GLYR1: variants seen among roughly 807,000 people sequenced by gnomAD.
The protein encoded by GLYR1 is cytokine-like nuclear factor N-PAC.
A neutral mutation model predicts 72.7 loss-of-function variants in GLYR1; 21 were observed. The observed-to-expected ratio is 0.29, with a 90% CI of 0.20 to 0.42. The LOEUF is 0.42. GLYR1 is among the 10% of genes least tolerant of loss of function. GLYR1 has a pLI of 1.00. For synonymous variants in GLYR1, 392 were observed against 270.2 expected, an observed-to-expected ratio of 1.45 and a Z score of -4.42; for missense variants, 594 against 712.1, an observed-to-expected ratio of 0.83 and a Z score of 1.89.
chr16:4,842,731 G>A (rs1455898398), intron 3 of GLYR1, among the ~76,000 whole-genome samples: 3 of 151,820 alleles, frequency 2.0e-5, no homozygotes, highest in South Asian at 4.1e-4. Context: ...ACAGAGTCTC[G>A]CTCTGTCACC....
chr16:4,825,655 T>C (rs2084333952), intron 5 of GLYR1, among the ~76,000 whole-genome samples: 1 of 117,096 alleles, frequency 8.5e-6, no homozygotes, highest in Non-Finnish European at 1.8e-5. Context: ...ATTATCATCT[T>C]CTTTTTTTTT....
rs140655556 is a variant in GLYR1 at position 4,826,069 on chromosome 16, A to C, written c.538-2162T>G. ...AGACACAACTTATTTATTTATTTGG[A>C]GGCATAGTCTAGCTGTCACCCAGGC... On this transcript the variant is annotated intron_variant, in intron 5 of 15. Coordinates refer to ENST00000321919, the MANE Select transcript of GLYR1 (RefSeq NM_032569.4). Among the ~76,000 whole-genome samples, 487 of 152,066 alleles carry C rather than the reference A, an allele frequency of 3.2e-3. 3 individuals carry two copies. Among genetic ancestry groups the C allele is most frequent in the African/African-American group, 0.01 (429 of 41,452 alleles).
intron 12 of GLYR1, among the ~76,000 whole-genome samples, 194 bp downstream of exon 12, chr16:4,813,543 G>A (rs576002436): frequency 2.8e-4 from 42 of 152,270 alleles, no homozygotes; most frequent in Admixed American, 7.2e-4. Flanking sequence ...GCCATGCAGC[G>A]ACTGCCCATG....
At chr16:4,821,733 T>C in intron 7 of GLYR1, 136 bp from the exon 8 acceptor site, 1 of 760,518 alleles carries the variant, frequency 1.3e-6, no homozygotes, top group South Asian at 1.5e-5. Flanking sequence ...GAACTCCAAA[T>C]TTTACACTAG....
Position 4,832,882 on chromosome 16 carries a change from T to A in GLYR1, c.186A>T (p.Pro62=). The A allele has an allele frequency of 6.2e-7, 1 of 1,613,156 alleles. No individual in the cohort carries two copies. The highest frequency in any genetic ancestry group is 8.5e-7 in the Non-Finnish European group (1 of 1,179,632). Residue 62 remains proline (P), a synonymous_variant, in exon 4 of 16, where the codon CCA becomes CCT. Transcript: ENST00000321919. ...TCATTTCCTCTTTATGAGCATGATATGGCTTCAGCTGTTCCACTTTGATCC... is the reference window on the plus strand; with the variant it reads ...TCATTTCCTCTTTATGAGCATGATAAGGCTTCAGCTGTTCCACTTTGATCC... ...HAWIKVEQLK[P]YHAHKEEMIK...
At chr16:4,831,364 C>A (rs989050659) in intron 5 of GLYR1, among the ~76,000 whole-genome samples, 1 of 152,208 alleles carries the variant, frequency 6.6e-6, no homozygotes, top group Non-Finnish European at 1.5e-5. Context: ...CGGGCCCCCA[C>A]TGACTCCAAG....
intron 9 of GLYR1, among the ~76,000 whole-genome samples, chr16:4,818,955 A>G (rs1309546465): frequency 6.6e-6 from 1 of 151,314 alleles, no homozygotes; most frequent in Non-Finnish European, 1.5e-5. Context: ...ACATTCACAT[A>G]CTCCGCCTGC....
At chr16:4,808,846 G>T (rs1297751313) in intron 15 of GLYR1, among the ~76,000 whole-genome samples, 1 of 151,738 alleles carries the variant, frequency 6.6e-6, no homozygotes, top group Non-Finnish European at 1.5e-5. Flanking sequence ...CACGCCTATA[G>T]TCCCAGCTAC....
intron 14 of GLYR1, 31 bp downstream of exon 14, chr16:4,811,592 A>G (rs374896672): frequency 1.1e-5 from 18 of 1,611,678 alleles, no homozygotes; most frequent in African/African-American, 1.3e-5. Flanking sequence ...TCAAACACCA[A>G]ATGCAAGAAG....
At chr16:4,829,238 C>G (rs181862088) in intron 5 of GLYR1, among the ~76,000 whole-genome samples, 1 of 152,100 alleles carries the variant, frequency 6.6e-6, no homozygotes, top group East Asian at 1.9e-4. Flanking sequence ...GTTTCTATGG[C>G]CCCAAGACAT....
chr16:4,817,818 G>A (rs1288021209), intron 9 of GLYR1, 121 bp from the exon 10 acceptor site: 2 of 691,182 alleles, frequency 2.9e-6, no homozygotes, highest in African/African-American at 3.5e-5. Context: ...CAGACTGCCA[G>A]AAACAGCAGT....
intron 5 of GLYR1, among the ~76,000 whole-genome samples, chr16:4,826,017 G>C (rs1165072545): frequency 6.6e-6 from 1 of 152,052 alleles, no homozygotes; most frequent in African/African-American, 2.4e-5. Flanking sequence ...CCTTGCTTAA[G>C]GTCACCGAGT....
At chr16:4,837,672 C>T (rs756859199) in intron 3 of GLYR1, among the ~76,000 whole-genome samples, 32 of 151,808 alleles carry the variant, frequency 2.1e-4, no homozygotes, top group Non-Finnish European at 3.1e-4. Context: ...GAGAACAAGC[C>T]GGCACGGTAG....
intron 3 of GLYR1, chr16:4,843,931 T>G (rs1385889241): frequency 5.2e-6 from 1 of 192,442 alleles, no homozygotes; most frequent in Non-Finnish European, 1.1e-5. Flanking sequence ...GCCAACATGG[T>G]GAAACCCCGT....
At chr16:4,821,672 G>C in intron 7 of GLYR1, 75 bp from the exon 8 acceptor site, 1 of 1,380,340 alleles carries the variant, frequency 7.2e-7, no homozygotes, top group East Asian at 2.3e-5. Context: ...CCCCTCAAAG[G>C]TTAGACCCAA....
chr16:4,844,896 T>C (rs2085873480), intron 3 of GLYR1, among the ~76,000 whole-genome samples, 178 bp downstream of exon 3: 1 of 152,258 alleles, frequency 6.6e-6, no homozygotes, highest in Non-Finnish European at 1.5e-5. Flanking sequence ...GACAGTTGTC[T>C]AGGGCAATTT....
chr16:4,807,088 G>A (rs1406228757), intron 15 of GLYR1, among the ~76,000 whole-genome samples: 2 of 143,916 alleles, frequency 1.4e-5, no homozygotes, highest in African/African-American at 2.6e-5. Context: ...TTACAGGCGT[G>A]AGCCACTGCG....
In GLYR1 at chr16:4,804,933, CTGTGTGTGTGTGTG is replaced by C. The variant is rs143624351; in HGVS notation, c.*289_*302del. On this transcript the variant is annotated 3_prime_UTR_variant, in exon 16 of 16. Coordinates refer to ENST00000321919, the MANE Select transcript of GLYR1 (RefSeq NM_032569.4). ...GCAGCTTCTATCCTGGGGCGAGAGC[CTGTGTGTGTGTGTG>C]TGTGTGTGTGTGTGTGTGTGTGTGA... 275 of 297,516 alleles carry C rather than the reference CTGTGTGTGTGTGTG, an allele frequency of 9.2e-4. 3 individuals are homozygous for C. The highest frequency in any genetic ancestry group is 6.8e-3 in the South Asian group (94 of 13,740). 18.4% of individuals were successfully genotyped at this position (297,516 alleles called of 1,614,324 possible).
At chr16:4,846,477 G>A (rs566425984) in intron 1 of GLYR1, among the ~76,000 whole-genome samples, 4 of 152,226 alleles carry the variant, frequency 2.6e-5, no homozygotes, top group African/African-American at 9.6e-5. Flanking sequence ...CTTAATGACG[G>A]GGGTGGGAGG....
Sources: gnomAD v4.1 joint callset for allele counts (sites outside exome capture counted in the v4.1 genomes callset) on GRCh38, gnomAD v4.1.1 for gene constraint, MANE v1.5 for transcripts, NCBI Gene and HGNC (gene_info 2026-07-23, HGNC 2026-07-21) for gene names.